ANKRD31: variants seen among roughly 807,000 people sequenced by gnomAD.
ANKRD31 encodes the protein ankyrin repeat domain-containing protein 31.
Under a neutral mutation model 186.0 loss-of-function variants are expected in ANKRD31, and 147 were observed. The observed-to-expected ratio is 0.79, with a 90% CI of 0.69 to 0.91. The LOEUF is 0.91. Among genes scored for constraint, ANKRD31 ranks in the 40% least tolerant of loss-of-function variants. The pLI, the probability that ANKRD31 is intolerant of heterozygous loss-of-function variation, is 0.00. For missense variants in ANKRD31, 1,986 were observed against 2,148.8 expected (o/e 0.92, Z 1.50); for synonymous variants, 673 against 736.4 (o/e 0.91, Z 1.39).
rs1747211327 is a variant in ANKRD31, at chr5:75,104,970, C to T, written c.4589G>A (p.Gly1530Asp). 8 of 1,537,016 alleles carry T rather than the reference C, an allele frequency of 5.2e-6. No individual in the cohort carries two copies. The highest frequency in any genetic ancestry group is 1.2e-5 in the South Asian group (1 of 84,036). Residue 1530 changes from glycine to aspartate, a missense_variant, in exon 22 of 26, where the codon GGT (glycine) becomes GAT (aspartate). Gly to Asp is a moderately conservative substitution (Grantham distance 94). Coordinates refer to ENST00000506364, the MANE Select transcript of ANKRD31 (RefSeq NM_001372053.1). The part of the protein sequence containing the change: ...SLENLEHPQS[G>D]SLSPVSGSMQ... Reference sequence around the variant, plus strand: ...GCTTCCAGAAACAGGAGAAAGTGAACCTGATTGGGGATGCTCTAAATTTTC... The same window carrying T: ...GCTTCCAGAAACAGGAGAAAGTGAATCTGATTGGGGATGCTCTAAATTTTC...
intron 25 of ANKRD31, among the ~76,000 whole-genome samples, chr5:75,069,853 CAG>C (rs1486536570): frequency 6.6e-6 from 1 of 152,136 alleles, no homozygotes; most frequent in East Asian, 1.9e-4. Flanking sequence ...GAGTCACATA[CAG>C]AGTCTTCTTT....
intron 11 of ANKRD31, among the ~76,000 whole-genome samples, chr5:75,161,091 A>C (rs1241159160): frequency 6.6e-6 from 1 of 152,188 alleles, no homozygotes; most frequent in Non-Finnish European, 1.5e-5. Context: ...GAAAATGTGG[A>C]AGCAACTTTG....
chr5:75,229,392 G>C (rs1294907860), intron 2 of ANKRD31, among the ~76,000 whole-genome samples: 5 of 152,110 alleles, frequency 3.3e-5, no homozygotes, highest in African/African-American at 1.2e-4. Flanking sequence ...TATATGGGTG[G>C]CACTTCAATA....
chr5:75,178,073 G>A (rs1753963489), intron 10 of ANKRD31, among the ~76,000 whole-genome samples: 1 of 151,930 alleles, frequency 6.6e-6, no homozygotes, highest in Admixed American at 6.6e-5. Context: ...AAAAAGGCAG[G>A]GGTTGCAATC....
At chr5:75,120,707 CAAA>C (rs1554074252) in intron 17 of ANKRD31, among the ~76,000 whole-genome samples, 3 of 151,856 alleles carry the variant, frequency 2.0e-5, no homozygotes, top group Non-Finnish European at 2.9e-5. Context: ...AATGAAGAAA[CAAA>C]GAATCTATAA....
chr5:75,079,118 G>A (rs1262285425), intron 25 of ANKRD31, among the ~76,000 whole-genome samples: 2 of 152,148 alleles, frequency 1.3e-5, no homozygotes, highest in African/African-American at 4.8e-5. Flanking sequence ...GCATTGACTT[G>A]AGTTACCAAT....
At chr5:75,076,738 T>C (rs1002834485) in intron 25 of ANKRD31, among the ~76,000 whole-genome samples, 1 of 152,150 alleles carries the variant, frequency 6.6e-6, no homozygotes, top group Non-Finnish European at 1.5e-5. Flanking sequence ...TGATGCTATC[T>C]AGGGGACAGC....
intron 19 of ANKRD31, among the ~76,000 whole-genome samples, chr5:75,115,736 A>G (rs1347613521): frequency 6.6e-6 from 1 of 151,410 alleles, no homozygotes; most frequent in African/African-American, 2.4e-5. Context: ...TTAGAATGGC[A>G]ATCATTAAAA....
chr5:75,097,443 G>T (rs1328061125), intron 22 of ANKRD31, among the ~76,000 whole-genome samples: 8 of 151,996 alleles, frequency 5.3e-5, no homozygotes, highest in Non-Finnish European at 7.4e-5. Context: ...TGTTTTTTTG[G>T]CTGCATAAAT....
intron 10 of ANKRD31, 25 bp downstream of exon 10, chr5:75,188,468 A>C (rs758678881): frequency 8.3e-5 from 126 of 1,526,088 alleles, no homozygotes; most frequent in Non-Finnish European, 1.1e-4. Flanking sequence ...TCTTAAGGTA[A>C]CTGTGGGTGG....
chr5:75,226,697 C>T (rs972104042), intron 2 of ANKRD31, among the ~76,000 whole-genome samples: 5 of 152,044 alleles, frequency 3.3e-5, no homozygotes, highest in African/African-American at 1.2e-4. Context: ...TGGAGAAATA[C>T]AAATCAAAAC....
chr5:75,118,316 A>G lies in ANKRD31; in HGVS notation c.3877-19T>C. On this transcript the variant is annotated intron_variant, in intron 17 of 25. Coordinates refer to ENST00000506364, the MANE Select transcript of ANKRD31 (RefSeq NM_001372053.1). ...CAGCTGCCTACAAAGTATTTTTTCA[A>G]AGTTATCTCTACAGACACCAAAGAT... 6.9e-7 allele frequency: 1 copy of G among 1,443,192 alleles called. No homozygotes were observed. The allele number at this position is 1,443,192 out of a possible 1,614,324, so 89.4% of individuals were successfully genotyped here.
intron 10 of ANKRD31, among the ~76,000 whole-genome samples, chr5:75,177,446 T>G (rs556691125): frequency 4.4e-4 from 67 of 151,224 alleles, no homozygotes; most frequent in African/African-American, 1.5e-3. Flanking sequence ...TTCACCAAAG[T>G]TGAAATGAAG....
intron 1 of ANKRD31, among the ~76,000 whole-genome samples, chr5:75,233,501 C>A (rs1758075360): frequency 1.3e-5 from 2 of 151,448 alleles, no homozygotes; most frequent in Non-Finnish European, 2.9e-5. Context: ...TAACCAGGGC[C>A]CTATGAGGAG....
At chr5:75,219,792 A>G (rs1275850017) in intron 3 of ANKRD31, among the ~76,000 whole-genome samples, 1 of 152,220 alleles carries the variant, frequency 6.6e-6, no homozygotes. Flanking sequence ...AAAAATAGAC[A>G]CATAAACAAA....
At chr5:75,174,944 G>A (rs943091908) in intron 10 of ANKRD31, among the ~76,000 whole-genome samples, 5 of 152,168 alleles carry the variant, frequency 3.3e-5, no homozygotes, top group Non-Finnish European at 5.9e-5. Context: ...GTTTTTTGTG[G>A]CACTATTCAC....
intron 10 of ANKRD31, among the ~76,000 whole-genome samples, chr5:75,179,044 A>C (rs1270077134): frequency 6.6e-6 from 1 of 152,172 alleles, no homozygotes; most frequent in East Asian, 1.9e-4. Context: ...AAAAATGACA[A>C]AGGGGATATC....
intron 10 of ANKRD31, among the ~76,000 whole-genome samples, chr5:75,170,997 CAAAG>C (rs1301159804): frequency 1.3e-5 from 2 of 151,952 alleles, no homozygotes; most frequent in South Asian, 4.2e-4. Flanking sequence ...CTGCCAGAAT[CAAAG>C]AAAGAAACAG....
intron 14 of ANKRD31, among the ~76,000 whole-genome samples, chr5:75,145,585 G>A (rs1291823314): frequency 6.6e-6 from 1 of 152,014 alleles, no homozygotes; most frequent in Non-Finnish European, 1.5e-5. Context: ...CTGTCATGGG[G>A]TGGGGGGGCT....
Sources: gnomAD v4.1 joint callset for allele counts (sites outside exome capture counted in the v4.1 genomes callset) on GRCh38, gnomAD v4.1.1 for gene constraint, MANE v1.5 for transcripts, NCBI Gene and HGNC (gene_info 2026-07-23, HGNC 2026-07-21) for gene names.